Variants in CALN1 observed in about 807,000 individuals in gnomAD.
CALN1 encodes the protein calcium-binding protein 8.
In CALN1, 17 loss-of-function variants were observed where a neutral mutation model predicts 30.6. The ratio of observed to expected loss-of-function variants is 0.56; its 90% CI spans 0.38 to 0.83. CALN1 has a LOEUF of 0.83. Ranked by LOEUF, CALN1 falls within the 40% of genes least tolerant of loss-of-function variation. CALN1 has a pLI of 0.00. For missense variants in CALN1, 291 were observed against 354.9 expected, an observed-to-expected ratio of 0.82 and a Z score of 1.45; for synonymous variants, 156 against 131.4, an observed-to-expected ratio of 1.19 and a Z score of -1.28.
At chr7:72,050,413 A>T in intron 4 of CALN1, among the ~76,000 whole-genome samples, 1 of 152,216 alleles carries the variant, frequency 6.6e-6, no homozygotes, top group Non-Finnish European at 1.5e-5. Context: ...TGAAACATTT[A>T]TAAAAACAGG....
chr7:72,225,486 G>A (rs1185762413), intron 3 of CALN1, among the ~76,000 whole-genome samples: 4 of 151,926 alleles, frequency 2.6e-5, no homozygotes, highest in East Asian at 2.0e-4. Context: ...CAAAAGGAGT[G>A]GCCAATGGGG....
At chr7:72,363,096 T>C (rs1352761256) in intron 2 of CALN1, among the ~76,000 whole-genome samples, 2 of 152,188 alleles carry the variant, frequency 1.3e-5, no homozygotes, top group South Asian at 2.1e-4. Flanking sequence ...ACTTACGTCA[T>C]GGGGGTCTGT....
chr7:72,389,752 T>C (rs1454385794), intron 2 of CALN1, among the ~76,000 whole-genome samples: 1 of 152,010 alleles, frequency 6.6e-6, no homozygotes, highest in African/African-American at 2.4e-5. Flanking sequence ...AAACCCTGTC[T>C]CTACTAAAAA....
chr7:71,818,494 C>T (rs190065300), intron 5 of CALN1, among the ~76,000 whole-genome samples: 12 of 151,972 alleles, frequency 7.9e-5, no homozygotes, highest in Admixed American at 2.6e-4. Context: ...TTGTATGACA[C>T]GGTGAAAAGC....
intron 4 of CALN1, among the ~76,000 whole-genome samples, chr7:72,073,141 C>T (rs919485934): frequency 1.3e-5 from 2 of 152,090 alleles, no homozygotes; most frequent in Non-Finnish European, 2.9e-5. Context: ...TGAAATAAGC[C>T]ACTCATAAAA....
intron 3 of CALN1, among the ~76,000 whole-genome samples, chr7:72,257,982 G>T (rs1282280362): frequency 2.0e-5 from 3 of 152,116 alleles, no homozygotes; most frequent in African/African-American, 7.2e-5. Context: ...TGGGAGGGGA[G>T]TGAGGGATAA....
At chr7:72,396,234 C>CAAAAAAA (rs1805929726) in intron 2 of CALN1, among the ~76,000 whole-genome samples, 1 of 28,352 alleles carries the variant, frequency 3.5e-5, no homozygotes, top group African/African-American at 3.7e-4. Flanking sequence ...CTTGTCTCTA[C>CAAAAAAA]TAAAAAAAAA....
chr7:72,207,199 C>T (rs75035694), intron 3 of CALN1, among the ~76,000 whole-genome samples: 2,959 of 152,284 alleles, frequency 0.019, 84 homozygotes, highest in African/African-American at 0.067. Context: ...ACTCTCTCCC[C>T]GATTCACTAG....
intron 5 of CALN1, among the ~76,000 whole-genome samples, chr7:71,856,990 T>C (rs1381602505): frequency 6.7e-6 from 1 of 149,454 alleles, no homozygotes; most frequent in Admixed American, 6.8e-5. Context: ...ATAATAACTG[T>C]AGACAACCTC....
At chr7:72,211,542 G>A (rs1232188275) in intron 3 of CALN1, among the ~76,000 whole-genome samples, 1 of 150,314 alleles carries the variant, frequency 6.7e-6, no homozygotes, top group African/African-American at 2.4e-5. Context: ...TCTGCAAAAT[G>A]ATGATGATCC....
At chr7:72,095,191 A>G (rs1307957906) in intron 4 of CALN1, among the ~76,000 whole-genome samples, 1 of 152,140 alleles carries the variant, frequency 6.6e-6, no homozygotes, top group African/African-American at 2.4e-5. Flanking sequence ...TCATCCACAA[A>G]ATGAGAATCA....
chr7:72,247,029 C>T (rs939057057), intron 3 of CALN1, among the ~76,000 whole-genome samples: 1 of 151,936 alleles, frequency 6.6e-6, no homozygotes, highest in Non-Finnish European at 1.5e-5. Context: ...GCTGGGATTA[C>T]AGGCAAGAGC....
intron 2 of CALN1, among the ~76,000 whole-genome samples, chr7:72,312,696 A>C (rs1800137325): frequency 6.6e-6 from 1 of 152,224 alleles, no homozygotes; most frequent in African/African-American, 2.4e-5. Context: ...TTGAAAAGGA[A>C]AACAAACAGT....
intron 5 of CALN1, among the ~76,000 whole-genome samples, chr7:71,881,772 T>G (rs1792581930): frequency 6.6e-6 from 1 of 152,118 alleles, no homozygotes; most frequent in Non-Finnish European, 1.5e-5. Flanking sequence ...ATTTATTCTT[T>G]TATAGCTTTG....
At chr7:72,177,823 G>C (rs1789474648) in intron 3 of CALN1, among the ~76,000 whole-genome samples, 1 of 151,420 alleles carries the variant, frequency 6.6e-6, no homozygotes, top group Non-Finnish European at 1.5e-5. Context: ...CAGGCTCCAG[G>C]GACCATGGCA....
At chr7:72,130,070 C>A (rs1809033383) in intron 3 of CALN1, among the ~76,000 whole-genome samples, 1 of 152,122 alleles carries the variant, frequency 6.6e-6, no homozygotes, top group South Asian at 2.1e-4. Flanking sequence ...CTCCCCCACC[C>A]CCCACCAGGC....
chr7:72,134,793 T>C (rs1047532692), intron 3 of CALN1, among the ~76,000 whole-genome samples: 1 of 152,190 alleles, frequency 6.6e-6, no homozygotes, highest in South Asian at 2.1e-4. Flanking sequence ...CTTCATTTCA[T>C]AAAAAAATTA....
intron 2 of CALN1, among the ~76,000 whole-genome samples, chr7:72,301,717 G>GT (rs1048156434): frequency 6.6e-6 from 1 of 151,020 alleles, no homozygotes; most frequent in African/African-American, 2.4e-5. Context: ...GGGGCATCCT[G>GT]TTCACCCCTT....
In CALN1 at chr7:72,353,656, T is replaced by C. The variant is rs145316345; in HGVS notation, c.119+49595A>G. On this transcript the variant is annotated intron_variant, in intron 2 of 6. Coordinates refer to ENST00000395275, the MANE Select transcript of CALN1 (RefSeq NM_031468.4). ...AAAACTGAATGCTTTCCCTGTAAAA[T>C]CAGGAAAAGGGCTTCTATTGAACAT... is the stretch of plus-strand genomic sequence containing the variant. Among the ~76,000 whole-genome samples, 796 of 152,016 alleles carry C rather than the reference T, an allele frequency of 5.2e-3. 28 individuals carry two copies. Among genetic ancestry groups the C allele is most frequent in the Non-Finnish European group, 2.0e-3 (135 of 67,966 alleles).
Sources: gnomAD v4.1 joint callset for allele counts (sites outside exome capture counted in the v4.1 genomes callset) on GRCh38, gnomAD v4.1.1 for gene constraint, MANE v1.5 for transcripts, NCBI Gene and HGNC (gene_info 2026-07-23, HGNC 2026-07-21) for gene names.